The following SYT9 variants were observed in gnomAD, a reference collection of about 807,000 sequenced individuals.
SYT9 encodes synaptotagmin 9.
A neutral mutation model predicts 48.4 loss-of-function variants in SYT9; 22 were observed. The observed-to-expected ratio is 0.45, with a 90% CI of 0.32 to 0.65. SYT9 has a LOEUF of 0.65. Among genes scored for constraint, SYT9 ranks in the 30% least tolerant of loss-of-function variants. The pLI, the probability that SYT9 is intolerant of heterozygous loss-of-function variation, is 0.03. For missense variants in SYT9, 577 were observed against 622.0 expected (o/e 0.93, Z 0.77); for synonymous variants, 265 against 245.0 (o/e 1.08, Z -0.76).
chr11:7,412,343 C>G (rs964115190), intron 3 of SYT9, among the ~76,000 whole-genome samples: 5 of 152,196 alleles, frequency 3.3e-5, no homozygotes, highest in Admixed American at 1.3e-4. Flanking sequence ...GTAGAGAGGA[C>G]TCTTCTCTGA....
chr11:7,402,407 C>T (rs1280085863), intron 3 of SYT9, among the ~76,000 whole-genome samples: 1 of 152,050 alleles, frequency 6.6e-6, no homozygotes, highest in Non-Finnish European at 1.5e-5. Context: ...TATGTTCAGT[C>T]AATTACTACT....
chr11:7,406,585 A>C (rs1225223531), intron 3 of SYT9, among the ~76,000 whole-genome samples: 1 of 136,320 alleles, frequency 7.3e-6, no homozygotes, highest in African/African-American at 2.8e-5. Flanking sequence ...TTTCTTTATT[A>C]ATTTGTCCGT....
chr11:7,273,894 C>T (rs927829320), intron 1 of SYT9, among the ~76,000 whole-genome samples: 1 of 147,950 alleles, frequency 6.8e-6, no homozygotes, highest in Admixed American at 6.7e-5. Context: ...ACACCAGGGC[C>T]TGTCAGGGGG....
At chr11:7,307,606 A>G (rs1849056284) in intron 2 of SYT9, among the ~76,000 whole-genome samples, 1 of 152,234 alleles carries the variant, frequency 6.6e-6, no homozygotes, top group Non-Finnish European at 1.5e-5. Context: ...CATGCCCACA[A>G]AAGACCCACA....
intron 6 of SYT9, among the ~76,000 whole-genome samples, chr11:7,465,242 C>T (rs1204730477): frequency 6.6e-6 from 1 of 152,094 alleles, no homozygotes; most frequent in African/African-American, 2.4e-5. Context: ...TGTGTGTGTG[C>T]CCACACACAT....
upstream of SYT9, among the ~76,000 whole-genome samples, chr11:7,251,574 G>A (rs74958530): frequency 6.6e-6 from 1 of 152,160 alleles, no homozygotes; most frequent in Admixed American, 6.5e-5. Flanking sequence ...CGCATCTGGC[G>A]GGTGTGCCCA....
upstream of SYT9, among the ~76,000 whole-genome samples, chr11:7,249,867 C>G (rs1210885711): frequency 3.3e-5 from 5 of 152,172 alleles, no homozygotes; most frequent in Non-Finnish European, 7.3e-5. Context: ...CCAAAGGACA[C>G]TTTTTAGTTT....
At chr11:7,410,185 A>G (rs1416421484) in intron 3 of SYT9, among the ~76,000 whole-genome samples, 1 of 152,126 alleles carries the variant, frequency 6.6e-6, no homozygotes, top group African/African-American at 2.4e-5. Flanking sequence ...TTATTGTTTT[A>G]TTCCATTGTG....
chr11:7,451,892 T>G (rs1169710776), intron 6 of SYT9, among the ~76,000 whole-genome samples: 1 of 152,146 alleles, frequency 6.6e-6, no homozygotes, highest in African/African-American at 2.4e-5. Flanking sequence ...AAACTGTTCC[T>G]TGCAAGGGAC....
chr11:7,416,039 C>T lies in SYT9; in HGVS notation c.1045-3C>T, dbSNP rs201532250. The T allele has an allele frequency of 6.2e-7, 1 of 1,614,118 alleles. No individual in the cohort carries two copies. The highest frequency in any genetic ancestry group is 8.5e-7 in the Non-Finnish European group (1 of 1,180,002). On this transcript the variant is annotated splice_region_variant and splice_polypyrimidine_tract_variant and intron_variant, in intron 3 of 6. Transcript: ENST00000318881. Reference sequence around the variant, plus strand: ...AATACTTTAGTTTGTGCTTTCTCAACAGGACAACGTGGATCTGGGAGAGCT... The same window carrying T: ...AATACTTTAGTTTGTGCTTTCTCAATAGGACAACGTGGATCTGGGAGAGCT...
At chr11:7,354,889 C>T (rs760751204) in intron 3 of SYT9, among the ~76,000 whole-genome samples, 1 of 152,026 alleles carries the variant, frequency 6.6e-6, no homozygotes, top group Non-Finnish European at 1.5e-5. Flanking sequence ...GGAATACTCT[C>T]CCAGGCTACC....
chr11:7,465,856 C>G (rs1455071513), intron 6 of SYT9: 1 of 168,282 alleles, frequency 5.9e-6, no homozygotes, highest in African/African-American at 2.6e-5. Flanking sequence ...AAGCAGAAAC[C>G]CCTGATAAAC....
chr11:7,361,274 T>C (rs1030370503), intron 3 of SYT9, among the ~76,000 whole-genome samples: 6 of 152,192 alleles, frequency 3.9e-5, no homozygotes, highest in Admixed American at 2.6e-4. Flanking sequence ...GAGTAGCTTC[T>C]AATTCTCATA....
chr11:7,388,413 A>G (rs933869370), intron 3 of SYT9, among the ~76,000 whole-genome samples: 1 of 152,014 alleles, frequency 6.6e-6, no homozygotes, highest in Non-Finnish European at 1.5e-5. Context: ...GTCTTGAAAG[A>G]GGGCTATTTT....
chr11:7,303,639 T>G (rs568981820), intron 2 of SYT9, among the ~76,000 whole-genome samples: 2 of 152,322 alleles, frequency 1.3e-5, no homozygotes, highest in African/African-American at 4.8e-5. Context: ...TATTCATATT[T>G]TATTATAGCT....
rs1343869214 is a variant in SYT9, at chr11:7,420,617, C to T, written c.1449C>T (p.His483=). ...CATATCCTCGGAAGCCCATTGCACA[C>T]TGGCATTCCCTGGTGGAGGTAAGAC... ...MLSYPRKPIA[H]WHSLVEKR Residue 483 remains histidine, a synonymous_variant, in exon 6 of 7, where the codon CAC becomes CAT. Transcript: ENST00000318881. The T allele has an allele frequency of 1.9e-6, 3 of 1,614,194 alleles. No homozygotes were observed. Among genetic ancestry groups the T allele is most frequent in the East Asian group, 2.2e-5 (1 of 44,892 alleles).
At chr11:7,428,714 GTC>G in intron 6 of SYT9, among the ~76,000 whole-genome samples, 1 of 152,322 alleles carries the variant, frequency 6.6e-6, no homozygotes, top group Admixed American at 6.5e-5. Context: ...GAAGGGCAGA[GTC>G]TCATTTGTTG....
intron 6 of SYT9, chr11:7,441,757 C>G (rs188412829): frequency 5.9e-5 from 9 of 152,318 alleles, no homozygotes; most frequent in African/African-American, 2.2e-4. Context: ...AAGTGCCCAG[C>G]AAACTGGCTC....
intron 3 of SYT9, among the ~76,000 whole-genome samples, chr11:7,413,089 G>T (rs899879450): frequency 6.6e-6 from 1 of 152,204 alleles, no homozygotes; most frequent in East Asian, 1.9e-4. Context: ...GAATGCTCAG[G>T]TGAGGGCACT....
Sources: gnomAD v4.1 joint callset for allele counts (sites outside exome capture counted in the v4.1 genomes callset) on GRCh38, gnomAD v4.1.1 for gene constraint, MANE v1.5 for transcripts, NCBI Gene and HGNC (gene_info 2026-07-23, HGNC 2026-07-21) for gene names.